Variants in ANKRD36 observed in about 807,000 individuals in gnomAD.
ANKRD36 encodes the protein ankyrin repeat domain 36, also known as ankyrin repeat domain-containing protein 36A.
In ANKRD36, 179 loss-of-function variants were observed where a neutral mutation model predicts 278.1. The observed-to-expected ratio is 0.64, with a 90% CI of 0.57 to 0.73. The LOEUF (loss-of-function observed/expected upper bound fraction) is 0.73. ANKRD36 is among the 30% of genes least tolerant of loss of function. ANKRD36 has a pLI of 0.00. For missense variants in ANKRD36, 1,159 were observed against 1,956.7 expected, an observed-to-expected ratio of 0.59 and a Z score of 7.69; for synonymous variants, 320 against 641.1, an observed-to-expected ratio of 0.50 and a Z score of 7.57.
At chr2:97,219,962 T>G (rs570997866) in intron 66 of ANKRD36, among the ~76,000 whole-genome samples, 4,780 of 142,034 alleles carry the variant, frequency 0.034, no homozygotes, top group African/African-American at 0.11. Flanking sequence ...TGTTTTATTT[T>G]GTAACATATT....
chr2:97,250,431 A>G (rs1312093814), intron 75 of ANKRD36, among the ~76,000 whole-genome samples: 2 of 140,190 alleles, frequency 1.4e-5, no homozygotes, highest in Non-Finnish European at 3.0e-5. Context: ...CTGGCCCTAC[A>G]CTTTTCTTCT....
chr2:97,185,541 T>C, intron 30 of ANKRD36, 31 bp downstream of exon 30: 1 of 1,600,404 alleles, frequency 6.2e-7, no homozygotes, highest in South Asian at 1.1e-5. Flanking sequence ...TAATGTCATG[T>C]TCAGTCCAGA....
In ANKRD36 at chr2:97,187,231, T is replaced by C. The variant is rs747233206; in HGVS notation, c.2070+5T>C. 6.2e-7 allele frequency: 1 copy of C among 1,609,820 alleles called. No individual in the cohort carries two copies. ...CAGAAACAACCAGCCTTGAAGGTAATTAAACTCTCATTTATATTGTGAACT... is the reference window on the plus strand; with the variant it reads ...CAGAAACAACCAGCCTTGAAGGTAACTAAACTCTCATTTATATTGTGAACT... On this transcript the variant is annotated splice_donor_5th_base_variant and intron_variant, in intron 31 of 75. Coordinates refer to ENST00000420699, the MANE Select transcript of ANKRD36 (RefSeq NM_001354587.1).
chr2:97,161,829 C>T (rs2153490197), intron 17 of ANKRD36, among the ~76,000 whole-genome samples: 1 of 152,358 alleles, frequency 6.6e-6, no homozygotes, highest in Non-Finnish European at 1.5e-5. Context: ...CAGAAGCTTC[C>T]CAAGTAGAAA....
chr2:97,231,445 A>G (rs2072049387), intron 67 of ANKRD36, among the ~76,000 whole-genome samples: 1 of 152,162 alleles, frequency 6.6e-6, no homozygotes, highest in African/African-American at 2.4e-5. Context: ...AGCCAGGTGC[A>G]GGATATAATT....
intron 67 of ANKRD36, among the ~76,000 whole-genome samples, chr2:97,233,000 C>T (rs1378785990): frequency 1.6e-5 from 2 of 128,038 alleles, no homozygotes; most frequent in Non-Finnish European, 3.1e-5. Flanking sequence ...AGAAATGAAG[C>T]ATGTGATTTA....
intron 15 of ANKRD36, among the ~76,000 whole-genome samples, chr2:97,156,961 C>T (rs1210288587): frequency 1.3e-5 from 2 of 151,934 alleles, no homozygotes; most frequent in African/African-American, 4.8e-5. Context: ...TTGCATTTCT[C>T]TGATGGCCAG....
intron 72 of ANKRD36, 162 bp downstream of exon 72, chr2:97,247,790 CTTA>C (rs1393327259): frequency 2.8e-5 from 2 of 70,548 alleles, no homozygotes; most frequent in African/African-American, 5.5e-5. Flanking sequence ...CTGTATTTTC[CTTA>C]TTATTAATTT....
chr2:97,192,088 G>A (rs1003864993), intron 36 of ANKRD36, among the ~76,000 whole-genome samples: 10 of 151,718 alleles, frequency 6.6e-5, no homozygotes, highest in Non-Finnish European at 1.5e-4. Context: ...AATGATTTCT[G>A]AATGTAAAAC....
chr2:97,141,131 A>G (rs1000113821), intron 6 of ANKRD36, among the ~76,000 whole-genome samples: 3 of 151,460 alleles, frequency 2.0e-5, no homozygotes, highest in Non-Finnish European at 4.4e-5. Context: ...AGAGACCCCT[A>G]TGGTATATTA....
At chr2:97,169,154 C>T (rs2051598807) in intron 22 of ANKRD36, among the ~76,000 whole-genome samples, 1 of 152,276 alleles carries the variant, frequency 6.6e-6, no homozygotes, top group African/African-American at 2.4e-5. Context: ...ACCATTCTAA[C>T]TGGCATAAGA....
chr2:97,117,553 G>A (rs562520558), intron 1 of ANKRD36, among the ~76,000 whole-genome samples: 3 of 151,984 alleles, frequency 2.0e-5, no homozygotes, highest in Non-Finnish European at 4.4e-5. Flanking sequence ...ATAAGAGAAT[G>A]GTGAGAAAAT....
chr2:97,217,700 AAG>A (rs1255929387), intron 64 of ANKRD36, among the ~76,000 whole-genome samples: 1 of 152,018 alleles, frequency 6.6e-6, no homozygotes, highest in Non-Finnish European at 1.5e-5. Context: ...GGGAAGGAGA[AAG>A]AGAAAAAAGT....
At chr2:97,139,160 A>T (rs113563990) in intron 6 of ANKRD36, among the ~76,000 whole-genome samples, 15 of 152,144 alleles carry the variant, frequency 9.9e-5, no homozygotes, top group African/African-American at 3.4e-4. Context: ...AAAAATGAAG[A>T]AAGTAAGTAG....
chr2:97,261,230 T>A (rs2076723178), intron 75 of ANKRD36, among the ~76,000 whole-genome samples: 1 of 127,894 alleles, frequency 7.8e-6, no homozygotes, highest in Non-Finnish European at 1.5e-5. Flanking sequence ...TTTCTCACCC[T>A]ATTAATCATT....
In ANKRD36 at chr2:97,117,424, C is replaced by A. The variant is rs1030234383; in HGVS notation, c.198-640C>A. ...TCACGGATTGGGTGATGCCACATTA[C>A]TTTATATATCAATAAGATAATGTTT... On this transcript the variant is annotated intron_variant, in intron 1 of 75. Coordinates refer to ENST00000420699, the MANE Select transcript of ANKRD36 (RefSeq NM_001354587.1). 2.6e-4 allele frequency among the ~76,000 whole-genome samples: 40 copies of A among 151,988 alleles called. 1 individual carries two copies. Among genetic ancestry groups the A allele is most frequent in the Non-Finnish European group, 4.0e-4 (27 of 68,000 alleles).
chr2:97,141,066 T>C (rs2042780838), intron 6 of ANKRD36, among the ~76,000 whole-genome samples: 1 of 151,748 alleles, frequency 6.6e-6, no homozygotes, highest in Non-Finnish European at 1.5e-5. Context: ...AAAGTGTTTT[T>C]TTTTTCTTTA....
chr2:97,232,853 G>T (rs1355739722), intron 67 of ANKRD36, among the ~76,000 whole-genome samples: 2 of 152,044 alleles, frequency 1.3e-5, no homozygotes, highest in Non-Finnish European at 1.5e-5. Context: ...AGTTATGGAT[G>T]AAATAAAAGA....
At chr2:97,177,367 C>T (rs1264302093) in intron 22 of ANKRD36, among the ~76,000 whole-genome samples, 1 of 151,890 alleles carries the variant, frequency 6.6e-6, no homozygotes, top group East Asian at 1.9e-4. Context: ...CCCACATCGC[C>T]AAGTCAATCC....
Sources: allele counts gnomAD v4.1 joint callset (sites outside exome capture counted in the v4.1 genomes callset), GRCh38; gene constraint gnomAD v4.1.1; transcripts MANE v1.5; gene names NCBI Gene and HGNC (gene_info 2026-07-23, HGNC 2026-07-21).